PIK3C2A: variants seen among roughly 807,000 people sequenced by gnomAD.
PIK3C2A encodes the protein phosphatidylinositol-4-phosphate 3-kinase catalytic subunit type 2 alpha, also known as phosphatidylinositol 4-phosphate 3-kinase C2 domain-containing subunit alpha.
PIK3C2A carries 97 observed loss-of-function variants against 204.5 expected under a neutral mutation model. The ratio of observed to expected loss-of-function variants is 0.47; its 90% CI spans 0.40 to 0.56. The LOEUF (loss-of-function observed/expected upper bound fraction) is 0.56, where lower values mean the gene tolerates loss of function less well. Among genes scored for constraint, PIK3C2A ranks in the 20% least tolerant of loss-of-function variants. The pLI is 0.00. For missense variants in PIK3C2A, 1,735 were observed against 1,969.2 expected (o/e 0.88, Z 2.25); for synonymous variants, 653 against 664.4 (o/e 0.98, Z 0.26).
chr11:17,176,586 C>T (rs981455759), intron 1 of PIK3C2A, among the ~76,000 whole-genome samples: 10 of 151,984 alleles, frequency 6.6e-5, no homozygotes, highest in African/African-American at 2.4e-4. Context: ...GTCAAGAGTT[C>T]GAGACCAGCG....
rs1282098650 is a variant in PIK3C2A at position 17,129,297 on chromosome 11, T to C, written c.2399+3A>G. The C allele has an allele frequency of 3.1e-6, 5 of 1,611,984 alleles. No individual in the cohort carries two copies. Among genetic ancestry groups the C allele is most frequent in the Non-Finnish European group, 4.2e-6 (5 of 1,178,388 alleles). On this transcript the variant is annotated splice_donor_region_variant and intron_variant, in intron 13 of 32. Coordinates refer to ENST00000691414, the MANE Select transcript of PIK3C2A (RefSeq NM_002645.4). ...CTCACCATTACAATTCGGTAATACT[T>C]ACCGTTTAAAGTCAAAAAGAGGTAA...
At chr11:17,130,843 T>C (rs1849670237) in intron 12 of PIK3C2A, among the ~76,000 whole-genome samples, 1 of 151,800 alleles carries the variant, frequency 6.6e-6, no homozygotes, top group Non-Finnish European at 1.5e-5. Flanking sequence ...AAAACACTAT[T>C]TAAAAAATAT....
chr11:17,110,494 A>C lies in PIK3C2A; in HGVS notation c.3482T>G (p.Leu1161Arg). The C allele has an allele frequency of 6.2e-7, 1 of 1,609,134 alleles. No homozygotes were observed. The highest frequency in any genetic ancestry group is 1.3e-5 in the African/African-American group (1 of 74,958). ...QMIKIMDKIW[L>R]KEGLDLRMVI... is the part of the protein sequence containing the mutation. ...CATCCTCAGATCTAGTCCTTCTTTAAGCCAGATCTTATCCATAATCTTTAT... is the reference window on the plus strand; with the variant it reads ...CATCCTCAGATCTAGTCCTTCTTTACGCCAGATCTTATCCATAATCTTTAT... The change falls in exon 22 of 33, where the codon CTT becomes CGT. Residue 1161 changes from leucine to arginine, a missense_variant. Leu to Arg is a moderately radical substitution (Grantham distance 102). This residue lies in a region of PIK3C2A where 503 missense variants were observed against 669.0 expected (regional missense o/e 0.75). Coordinates refer to ENST00000691414, the MANE Select transcript of PIK3C2A (RefSeq NM_002645.4).
In PIK3C2A at chr11:17,091,427, A is replaced by G. The variant is rs1337297770; in HGVS notation, c.4785T>C (p.Tyr1595=). The G allele has an allele frequency of 2.5e-6, 4 of 1,613,854 alleles. No homozygotes were observed. The highest frequency in any genetic ancestry group is 2.2e-5 in the East Asian group (1 of 44,860). ...TATCTGGAAGTAGGTATGTTTTGAC[A>G]TATGGATTTGGGTCAGCTCCATCTT... ...VTEDGADPNP[Y]VKTYLLPDNH... Residue 1595 remains tyrosine (Y), a synonymous_variant, in exon 32 of 33, where the codon TAT becomes TAC. Coordinates refer to ENST00000691414, the MANE Select transcript of PIK3C2A (RefSeq NM_002645.4).
At chr11:17,177,775 C>T (rs772406672) in intron 1 of PIK3C2A, among the ~76,000 whole-genome samples, 43 of 152,126 alleles carry the variant, frequency 2.8e-4, no homozygotes, top group Non-Finnish European at 5.1e-4. Flanking sequence ...TGATGTGATT[C>T]GGTTACAGCG....
chr11:17,086,942 A>G lies in PIK3C2A; in HGVS notation c.*2796T>C, dbSNP rs1817840168. 1 of 152,234 alleles carries G rather than the reference A, an allele frequency of 6.6e-6. No homozygotes were observed. Among genetic ancestry groups the G allele is most frequent in the South Asian group, 2.1e-4 (1 of 4,836 alleles). The allele number at this position is 152,234 out of a possible 1,614,324, so 9.4% of individuals were successfully genotyped here. Reference sequence around the variant, plus strand: ...ACTTTTATACAACTTTAATTTGAAAAAAGAAATGATCAAAGATCATACATG... The same window carrying G: ...ACTTTTATACAACTTTAATTTGAAAGAAGAAATGATCAAAGATCATACATG... On this transcript the variant is annotated 3_prime_UTR_variant, in exon 33 of 33. Transcript: ENST00000691414.
At chr11:17,156,283 A>C (rs531317735) in intron 2 of PIK3C2A, among the ~76,000 whole-genome samples, 43 of 152,350 alleles carry the variant, frequency 2.8e-4, no homozygotes, top group Non-Finnish European at 5.1e-4. Flanking sequence ...AATTCCCTTT[A>C]AAATTAGAAT....
chr11:17,091,202 G>C (rs1394912671), intron 32 of PIK3C2A, 132 bp downstream of exon 32: 2 of 730,398 alleles, frequency 2.7e-6, no homozygotes, highest in South Asian at 1.8e-5. Flanking sequence ...TAGGTTGATA[G>C]GTATGCAGAC....
intron 1 of PIK3C2A, among the ~76,000 whole-genome samples, chr11:17,196,174 AAAAATCTT>A (rs1419025533): frequency 1.3e-5 from 2 of 152,226 alleles, no homozygotes; most frequent in Non-Finnish European, 1.5e-5. Context: ...ATCTCTCCAA[AAAAATCTT>A]AAAATCTCCA....
At chr11:17,113,166 CA>C in intron 20 of PIK3C2A, among the ~76,000 whole-genome samples, 1 of 152,196 alleles carries the variant, frequency 6.6e-6, no homozygotes, top group South Asian at 2.1e-4. Context: ...CACCCGCCAC[CA>C]CACCCGGCTA....
chr11:17,158,557 C>G (rs753269421), intron 2 of PIK3C2A, among the ~76,000 whole-genome samples: 67 of 152,012 alleles, frequency 4.4e-4, no homozygotes, highest in Non-Finnish European at 7.2e-4. Context: ...CCCAGGCAGT[C>G]TGGCTTCAAT....
intron 8 of PIK3C2A, chr11:17,141,394 C>T (rs1211663670): frequency 1.3e-5 from 2 of 151,490 alleles, no homozygotes; most frequent in South Asian, 2.1e-4. Flanking sequence ...ACCTCAGCCC[C>T]GAGTAGCTGA....
At chr11:17,131,183 C>T (rs1350428156) in intron 12 of PIK3C2A, among the ~76,000 whole-genome samples, 1 of 152,002 alleles carries the variant, frequency 6.6e-6, no homozygotes, top group Admixed American at 6.6e-5. Context: ...GGCAAAACTC[C>T]GCCTCAAAAA....
intron 25 of PIK3C2A, 133 bp from the exon 26 acceptor site, chr11:17,100,102 T>C (rs1848574486): frequency 4.1e-6 from 2 of 491,058 alleles, no homozygotes; most frequent in Admixed American, 7.5e-5. Context: ...TTCATTAGTG[T>C]ATTGGGGACC....
intron 22 of PIK3C2A, among the ~76,000 whole-genome samples, chr11:17,109,042 C>G (rs1315584593): frequency 1.3e-5 from 2 of 152,178 alleles, no homozygotes; most frequent in Non-Finnish European, 2.9e-5. Flanking sequence ...GCTATCAGAG[C>G]TACACAGGAT....
rs1848227405 is a variant in PIK3C2A at position 17,089,242 on chromosome 11, C to T, written c.*496G>A. ...AACTACTTAGTAGTTCTTAACTTAG[C>T]TATCTATTATTTGTGCTTTGTTTTT... On this transcript the variant is annotated 3_prime_UTR_variant, in exon 33 of 33. Transcript: ENST00000691414. 1 of 152,282 alleles carries T rather than the reference C, an allele frequency of 6.6e-6. No individual in the cohort carries two copies. Among genetic ancestry groups the T allele is most frequent in the African/African-American group, 2.4e-5 (1 of 41,430 alleles). The allele number at this position is 152,282 out of a possible 1,614,324, so 9.4% of individuals were successfully genotyped here.
intron 1 of PIK3C2A, among the ~76,000 whole-genome samples, chr11:17,172,324 T>C (rs1851200761): frequency 6.6e-6 from 1 of 152,168 alleles, no homozygotes; most frequent in Non-Finnish European, 1.5e-5. Flanking sequence ...TCTTTGTCTC[T>C]TGAAATGCAG....
intron 8 of PIK3C2A, 128 bp downstream of exon 8, chr11:17,145,540 T>C (rs1407116818): frequency 5.0e-6 from 3 of 604,302 alleles, no homozygotes; most frequent in African/African-American, 1.9e-5. Context: ...ATTTTCTTTA[T>C]AAATTAAAAA....
At position 17,155,611 on chromosome 11, in the gene PIK3C2A, T is replaced by C. The variant is rs775939206; in HGVS notation, c.1084A>G (p.Ser362Gly). ...AGAGAACTTCCAGTTGGCAAACTAC[T>C]GGTCCCATTTGGGTCTTTCTGTAAT... ...HISQKDPNGTSSLPTGSSLLQ... is the reference protein window; with the variant it reads ...HISQKDPNGTGSLPTGSSLLQ... The change falls in exon 3 of 33, where the codon AGT becomes GGT. Residue 362 changes from serine to glycine, a missense_variant. Transcript: ENST00000691414. 5 of 1,600,786 alleles carry C rather than the reference T, an allele frequency of 3.1e-6. No individual in the cohort carries two copies. Among genetic ancestry groups the C allele is most frequent in the South Asian group, 1.1e-5 (1 of 90,098 alleles).
Sources: gnomAD v4.1 joint callset for allele counts (sites outside exome capture counted in the v4.1 genomes callset) on GRCh38, gnomAD v4.1.1 for gene constraint, gnomAD v4.1.1 regional missense constraint, MANE v1.5 for transcripts, NCBI Gene and HGNC (gene_info 2026-07-23, HGNC 2026-07-21) for gene names.